Variants in CLEC16A observed in about 807,000 individuals in gnomAD.
CLEC16A encodes the protein C-type lectin domain containing 16A.
In CLEC16A, 51 loss-of-function variants were observed where a neutral mutation model predicts 109.5. The ratio of observed to expected loss-of-function variants is 0.47; its 90% CI spans 0.37 to 0.59. CLEC16A has a LOEUF of 0.59. CLEC16A is among the 20% of genes least tolerant of loss of function. CLEC16A has a pLI of 0.00. For synonymous variants in CLEC16A, 673 were observed against 564.2 expected (o/e 1.19, Z -2.73); for missense variants, 1,339 against 1,394.0 (o/e 0.96, Z 0.63).
In CLEC16A at chr16:11,024,988, G is replaced by A. The variant is rs546981272; in HGVS notation, c.1537+67G>A. On this transcript the variant is annotated intron_variant, in intron 13 of 23. Coordinates refer to ENST00000409790, the MANE Select transcript of CLEC16A (RefSeq NM_015226.3). ...CATACCCATAGCATCCTTCCCCTCT[G>A]CTGCATGGAGGACAAAGAAAGGTGC... The A allele has an allele frequency of 2.3e-4, 259 of 1,130,108 alleles. 1 individual carries two copies. In the African/African-American group the frequency reaches 3.7e-3, roughly 16 times the overall value. The allele number at this position is 1,130,108 out of a possible 1,614,324, so 70.0% of individuals were successfully genotyped here. A position where few individuals can be genotyped will look rare whatever the true frequency, so the allele number is the denominator to read the frequency against.
chr16:11,061,065 T>C (rs1486460641), intron 19 of CLEC16A, 43 bp downstream of exon 19: 1 of 1,547,446 alleles, frequency 6.5e-7, no homozygotes, highest in South Asian at 1.2e-5. Flanking sequence ...CTGGGGGACA[T>C]GGGACATGGG....
At chr16:11,050,628 G>A (rs563476135) in intron 17 of CLEC16A, among the ~76,000 whole-genome samples, 1 of 152,350 alleles carries the variant, frequency 6.6e-6, no homozygotes, top group South Asian at 2.1e-4. Context: ...GGGAGGGGAT[G>A]TCACCCTGTG....
At chr16:10,975,795 T>C (rs1325934408) in intron 7 of CLEC16A, among the ~76,000 whole-genome samples, 1 of 151,950 alleles carries the variant, frequency 6.6e-6, no homozygotes, top group Non-Finnish European at 1.5e-5. Flanking sequence ...TACAGGTGCA[T>C]GCCACCACCC....
At chr16:11,022,396 G>C (rs527916883) in intron 12 of CLEC16A, among the ~76,000 whole-genome samples, 11 of 129,544 alleles carry the variant, frequency 8.5e-5, no homozygotes, top group African/African-American at 2.2e-4. Context: ...GCTCAGGCTA[G>C]TCTGGAACTC....
intron 18 of CLEC16A, among the ~76,000 whole-genome samples, chr16:11,052,242 G>C (rs1341081949): frequency 6.6e-6 from 1 of 152,130 alleles, no homozygotes; most frequent in East Asian, 1.9e-4. Flanking sequence ...TCCCGGGTAA[G>C]ATCAGAGTTT....
At chr16:11,137,954 G>GC (rs1488684409) in intron 22 of CLEC16A, among the ~76,000 whole-genome samples, 1 of 152,220 alleles carries the variant, frequency 6.6e-6, no homozygotes, top group Non-Finnish European at 1.5e-5. Flanking sequence ...TCAGAGACAG[G>GC]CAGAAGCCAT....
At chr16:11,043,345 G>T (rs1281574290) in intron 15 of CLEC16A, among the ~76,000 whole-genome samples, 2 of 152,188 alleles carry the variant, frequency 1.3e-5, no homozygotes, top group African/African-American at 4.8e-5. Flanking sequence ...AGGAGTTTGA[G>T]ACTGCAGTGA....
At chr16:11,027,416 G>C in intron 13 of CLEC16A, 3 of 1,459,380 alleles carry the variant, frequency 2.1e-6, no homozygotes, top group Admixed American at 1.7e-5. Flanking sequence ...TACAAATGCT[G>C]CGTATAGTGG....
intron 11 of CLEC16A, among the ~76,000 whole-genome samples, chr16:11,013,647 A>G (rs559921959): frequency 3.9e-4 from 60 of 152,316 alleles, no homozygotes; most frequent in African/African-American, 1.4e-3. Context: ...AGTCCCAGCT[A>G]TTCGGGGAGG....
intron 22 of CLEC16A, chr16:11,156,643 C>A: frequency 7.7e-7 from 1 of 1,304,316 alleles, no homozygotes; most frequent in South Asian, 1.2e-5. Context: ...CCTTGGCTGA[C>A]AGACTGTTGT....
At position 11,151,647 on chromosome 16, in the gene CLEC16A, G is replaced by A. The variant is rs2054294549; in HGVS notation, c.2642-14741G>A. Among the ~76,000 whole-genome samples the A allele has an allele frequency of 2.0e-5, 3 of 152,190 alleles. No homozygotes were observed. In the South Asian group the frequency reaches 6.2e-4, roughly 31 times the overall value. On this transcript the variant is annotated intron_variant, in intron 22 of 23. Coordinates refer to ENST00000409790, the MANE Select transcript of CLEC16A (RefSeq NM_015226.3). ...GATTTCAGAAATACTGGGCCCTCTG[G>A]GCCTCAGGCATTAAATCAATCAGTG...
At position 10,944,644 on chromosome 16, in the gene CLEC16A, C is replaced by T. The variant is rs1342296179; in HGVS notation, c.-74C>T. On this transcript the variant is annotated 5_prime_UTR_variant, in exon 1 of 24. Transcript: ENST00000409790. ...GCCGCCGCATCCTCCGCTTGTGCTA[C>T]CGCCGCGGGCGCTGGGCCGCTCTGC... 2.8e-6 allele frequency: 4 copies of T among 1,423,184 alleles called. No homozygotes were observed. The highest frequency in any genetic ancestry group is 2.5e-5 in the South Asian group (2 of 79,794). 88.2% of individuals were successfully genotyped at this position (1,423,184 alleles called of 1,614,324 possible).
chr16:11,014,596 A>G (rs1337279695), intron 11 of CLEC16A, among the ~76,000 whole-genome samples: 2 of 152,246 alleles, frequency 1.3e-5, no homozygotes, highest in African/African-American at 4.8e-5. Flanking sequence ...GACAGAAATC[A>G]TAAAAGCAAG....
At chr16:11,073,288 T>C (rs992179612) in intron 19 of CLEC16A, among the ~76,000 whole-genome samples, 6 of 152,108 alleles carry the variant, frequency 3.9e-5, no homozygotes. Flanking sequence ...GGTAGACATT[T>C]AATGGAGCAG....
chr16:10,959,105 G>A (rs903928458), intron 2 of CLEC16A, among the ~76,000 whole-genome samples: 3 of 151,766 alleles, frequency 2.0e-5, no homozygotes, highest in East Asian at 3.9e-4. Context: ...AAAAGTAAAA[G>A]TGTTCTATTT....
At chr16:11,054,356 T>C (rs1024461886) in intron 18 of CLEC16A, among the ~76,000 whole-genome samples, 1 of 152,224 alleles carries the variant, frequency 6.6e-6, no homozygotes, top group African/African-American at 2.4e-5. Context: ...TCCAGAGTTA[T>C]CGTGAGGACT....
intron 22 of CLEC16A, among the ~76,000 whole-genome samples, chr16:11,151,746 G>C (rs995284936): frequency 1.3e-5 from 2 of 152,192 alleles, no homozygotes; most frequent in Non-Finnish European, 2.9e-5. Flanking sequence ...AGTTCAGTCC[G>C]TTAAGCTCAT....
At chr16:11,063,502 A>G (rs1424397299) in intron 19 of CLEC16A, among the ~76,000 whole-genome samples, 2 of 152,036 alleles carry the variant, frequency 1.3e-5, no homozygotes, top group African/African-American at 2.4e-5. Context: ...TCCGGGAGAA[A>G]TGTTAGGGAC....
intron 19 of CLEC16A, among the ~76,000 whole-genome samples, chr16:11,119,996 G>C (rs1363332553): frequency 6.8e-6 from 1 of 146,336 alleles, no homozygotes; most frequent in Non-Finnish European, 1.5e-5. Context: ...TTGAGACGGA[G>C]TTTTGCTCTT....
Sources: gnomAD v4.1 joint callset for allele counts (sites outside exome capture counted in the v4.1 genomes callset) on GRCh38, gnomAD v4.1.1 for gene constraint, MANE v1.5 for transcripts, NCBI Gene and HGNC (gene_info 2026-07-23, HGNC 2026-07-21) for gene names.